ACBD6: variants seen among roughly 807,000 people sequenced by gnomAD.
ACBD6 encodes the protein acyl-CoA binding domain containing 6, also known as acyl-CoA-binding domain-containing protein 6.
A neutral mutation model predicts 37.2 loss-of-function variants in ACBD6; 28 were observed. The observed-to-expected ratio is 0.75, with a 90% CI of 0.56 to 1.03. ACBD6 has a LOEUF of 1.03. Among genes scored for constraint, ACBD6 ranks in the 50% least tolerant of loss-of-function variants. The pLI is 0.00. For synonymous variants in ACBD6, 113 were observed against 126.8 expected, an observed-to-expected ratio of 0.89 and a Z score of 0.73; for missense variants, 340 against 337.4, an observed-to-expected ratio of 1.01 and a Z score of -0.06.
At chr1:180,495,419 C>T (rs1489495582) in intron 2 of ACBD6, 42 bp downstream of exon 2, 1 of 1,420,490 alleles carries the variant, frequency 7.0e-7, no homozygotes. Context: ...AACACCTAAG[C>T]CATTTCCAAC....
intron 3 of ACBD6, among the ~76,000 whole-genome samples, chr1:180,446,162 C>A (rs116704644): frequency 1.3e-5 from 2 of 150,618 alleles, no homozygotes; most frequent in South Asian, 4.2e-4. Context: ...ACCATCACGC[C>A]GGGATAATTT....
At chr1:180,273,960 G>C in exon 11 of ACBD6, 1 of 582,168 alleles carries the variant, frequency 1.7e-6, no homozygotes, top group Non-Finnish European at 3.1e-6. Context: ...ATCCTTCTGG[G>C]ACCTGGGAAT....
In ACBD6 at chr1:180,453,081, C is replaced by A. The variant is rs1350083758; in HGVS notation, c.385-22819G>T. Among the ~76,000 whole-genome samples, 8 of 152,326 alleles carry A rather than the reference C, an allele frequency of 5.3e-5. No homozygotes were observed. The South Asian group carries it at 8.3e-4, about 16-fold the overall frequency. On this transcript the variant is annotated intron_variant, in intron 3 of 7. Transcript: ENST00000367595. ...ACTCATTTTATGAGGCCAGCATCAA[C>A]CTGATATCAAAACCCGGCAGAGACA...
intron 6 of ACBD6, among the ~76,000 whole-genome samples, chr1:180,387,376 T>C (rs1005197541): frequency 1.3e-5 from 2 of 152,214 alleles, no homozygotes; most frequent in Non-Finnish European, 2.9e-5. Flanking sequence ...TTATTATTGC[T>C]TTTAATTCCA....
chr1:180,285,539 T>C (rs1315303273), downstream of ACBD6, among the ~76,000 whole-genome samples: 1 of 152,210 alleles, frequency 6.6e-6, no homozygotes, highest in East Asian at 1.9e-4. Flanking sequence ...TAAATATTTA[T>C]TTATGGAGGG....
chr1:180,381,194 A>G (rs995232043), intron 6 of ACBD6, among the ~76,000 whole-genome samples: 10 of 152,246 alleles, frequency 6.6e-5, no homozygotes, highest in Non-Finnish European at 1.5e-5. Flanking sequence ...CCAACATCGC[A>G]GCACCCAGAT....
At chr1:180,470,851 T>TA (rs1230260822) in intron 3 of ACBD6, among the ~76,000 whole-genome samples, 1 of 152,234 alleles carries the variant, frequency 6.6e-6, no homozygotes, top group Non-Finnish European at 1.5e-5. Context: ...AATTGATTTT[T>TA]TAAAGCACAT....
chr1:180,332,371 G>A (rs1006040928), intron 6 of ACBD6, among the ~76,000 whole-genome samples: 1 of 152,150 alleles, frequency 6.6e-6, no homozygotes, highest in South Asian at 2.1e-4. Flanking sequence ...TCCATGGCCT[G>A]TTAGGAACTG....
At chr1:180,348,994 C>G (rs2101890034) in intron 6 of ACBD6, among the ~76,000 whole-genome samples, 1 of 152,172 alleles carries the variant, frequency 6.6e-6, no homozygotes, top group African/African-American at 2.4e-5. Flanking sequence ...ACCCTTTTCA[C>G]TAAAAATGTT....
chr1:180,436,814 C>G (rs1649056096), intron 3 of ACBD6, among the ~76,000 whole-genome samples: 1 of 151,736 alleles, frequency 6.6e-6, no homozygotes, highest in Admixed American at 6.6e-5. Flanking sequence ...AAAACAAAAA[C>G]AAAAACAAAA....
chr1:180,424,084 T>C (rs373622718), intron 4 of ACBD6, among the ~76,000 whole-genome samples: 1 of 152,158 alleles, frequency 6.6e-6, no homozygotes, highest in South Asian at 2.1e-4. Context: ...GTAACAACTA[T>C]CAGACTCAAT....
chr1:180,347,652 T>A (rs1287851988), intron 6 of ACBD6, among the ~76,000 whole-genome samples: 1 of 152,080 alleles, frequency 6.6e-6, no homozygotes, highest in Non-Finnish European at 1.5e-5. Flanking sequence ...CAAGCTTAGA[T>A]GCACGACTGA....
chr1:180,411,556 T>C (rs556393620), intron 5 of ACBD6, among the ~76,000 whole-genome samples: 111 of 152,346 alleles, frequency 7.3e-4, no homozygotes, highest in African/African-American at 2.5e-3. Context: ...AGTCTGATGA[T>C]TGTCAGAATT....
chr1:180,434,553 A>G (rs1009101167), intron 3 of ACBD6, among the ~76,000 whole-genome samples: 2 of 152,162 alleles, frequency 1.3e-5, no homozygotes, highest in Non-Finnish European at 2.9e-5. Flanking sequence ...TATAGTAAGA[A>G]CCTTGGTCTC....
At chr1:180,318,690 G>C (rs1033936710) in intron 6 of ACBD6, among the ~76,000 whole-genome samples, 2 of 152,100 alleles carry the variant, frequency 1.3e-5, no homozygotes, top group Non-Finnish European at 2.9e-5. Context: ...CCCGGACTTG[G>C]AGCACAGGCT....
chr1:180,458,951 T>A (rs1014993325), intron 3 of ACBD6, among the ~76,000 whole-genome samples: 4 of 152,158 alleles, frequency 2.6e-5, no homozygotes, highest in African/African-American at 7.2e-5. Flanking sequence ...CAATCACACT[T>A]AGAATGTAAC....
At chr1:180,434,423 A>C (rs1384999847) in intron 3 of ACBD6, among the ~76,000 whole-genome samples, 4 of 152,214 alleles carry the variant, frequency 2.6e-5, no homozygotes, top group African/African-American at 9.7e-5. Flanking sequence ...TTCCCTTTCC[A>C]GGTCTTTTTC....
chr1:180,465,158 A>C (rs1256495338), intron 3 of ACBD6, among the ~76,000 whole-genome samples: 1 of 152,236 alleles, frequency 6.6e-6, no homozygotes, highest in Non-Finnish European at 1.5e-5. Context: ...TTGCAACGAA[A>C]GCAAAACTTG....
At chr1:180,329,764 T>C (rs1419148882) in intron 6 of ACBD6, among the ~76,000 whole-genome samples, 1 of 152,178 alleles carries the variant, frequency 6.6e-6, no homozygotes, top group Non-Finnish European at 1.5e-5. Flanking sequence ...TGGGTGGTGA[T>C]CTGTAGCCCG....
Sources: allele counts gnomAD v4.1 joint callset (sites outside exome capture counted in the v4.1 genomes callset), GRCh38; gene constraint gnomAD v4.1.1; transcripts MANE v1.5; gene names NCBI Gene and HGNC (gene_info 2026-07-23, HGNC 2026-07-21).